The following FAAH2 variants were observed in gnomAD, a reference collection of about 807,000 sequenced individuals.
The protein encoded by FAAH2 is fatty acid amide hydrolase 2.
In FAAH2, 60 loss-of-function variants were observed where a neutral mutation model predicts 36.9. The ratio of observed to expected loss-of-function variants is 1.63; its 90% confidence interval spans 1.32 to 2.02. FAAH2 has a LOEUF of 2.02. Among genes scored for constraint, FAAH2 ranks in the 30% most tolerant of loss-of-function variants. The pLI is 0.00. For synonymous variants in FAAH2, 214 were observed against 143.8 expected (o/e 1.49, Z -3.49); for missense variants, 689 against 397.5 (o/e 1.73, Z -6.23).
the FAAH2 span, among the ~76,000 whole-genome samples, chrX:57,159,768 A>G: frequency 9.8e-5 from 11 of 112,002 alleles, no homozygotes; most frequent in South Asian, 1.9e-3. Context: ...TAGATATACA[A>G]TGATGTGATC....
chrX:57,335,978 A>T (rs2053540710), intron 4 of FAAH2, among the ~76,000 whole-genome samples: 2 of 111,530 alleles, frequency 1.8e-5, no homozygotes, highest in Admixed American at 9.5e-5. Flanking sequence ...TGTTTCAGGG[A>T]GCACAAGGTT....
chrX:57,165,105 G>C, the FAAH2 span, among the ~76,000 whole-genome samples: 1 of 112,567 alleles, frequency 8.9e-6, no homozygotes, highest in East Asian at 2.8e-4. Context: ...CTCTAAACTA[G>C]TTCAACCATT....
chrX:57,313,241 T>C (rs1301462125), intron 3 of FAAH2, among the ~76,000 whole-genome samples: 1 of 109,828 alleles, frequency 9.1e-6, no homozygotes, highest in Non-Finnish European at 1.9e-5. Context: ...AAATGTGGAA[T>C]GATATAAGAA....
chrX:57,163,392 G>T, the FAAH2 span, among the ~76,000 whole-genome samples: 2 of 112,054 alleles, frequency 1.8e-5, no homozygotes, highest in Non-Finnish European at 3.8e-5. Context: ...GCTCCACCCA[G>T]TTCGAGCTTC....
At chrX:57,460,879 C>G (rs985837875) in intron 10 of FAAH2, among the ~76,000 whole-genome samples, 1 of 111,193 alleles carries the variant, frequency 9.0e-6, no homozygotes, top group Non-Finnish European at 1.9e-5. Context: ...GAGTCGAGAC[C>G]CATCATTGTG....
At chrX:57,303,641 C>A (rs1051342968) in intron 2 of FAAH2, among the ~76,000 whole-genome samples, 4 of 111,730 alleles carry the variant, frequency 3.6e-5, no homozygotes, top group East Asian at 2.8e-4. Flanking sequence ...TATATAACCA[C>A]CTCAGATCAG....
the FAAH2 span, among the ~76,000 whole-genome samples, chrX:57,249,030 G>T: frequency 2.7e-5 from 3 of 110,553 alleles, no homozygotes. Context: ...GATGGCCTAA[G>T]ACATAGAGTG....
At chrX:57,407,909 T>C (rs2055607152) in intron 7 of FAAH2, among the ~76,000 whole-genome samples, 1 of 112,259 alleles carries the variant, frequency 8.9e-6, no homozygotes, top group South Asian at 3.7e-4. Flanking sequence ...AAGAGATTGT[T>C]CTTTCTTCAC....
chrX:57,287,149 ATGAAGGGAGACTTC>A, intron 1 of FAAH2, 132 bp downstream of exon 1: 1 of 633,011 alleles, frequency 1.6e-6, no homozygotes, highest in Non-Finnish European at 2.3e-6. Context: ...TTTATTGGGG[ATGAAGGGAGACTTC>A]TGGGTGTTGT....
chrX:57,243,982 A>G, the FAAH2 span, among the ~76,000 whole-genome samples: 1 of 109,334 alleles, frequency 9.1e-6, no homozygotes, highest in African/African-American at 3.3e-5. Flanking sequence ...ACCCAATGCA[A>G]AAAAGCTAAG....
chrX:57,439,776 G>T (rs1305728753), intron 8 of FAAH2, among the ~76,000 whole-genome samples: 3 of 111,654 alleles, frequency 2.7e-5, no homozygotes, highest in Non-Finnish European at 5.6e-5. Context: ...ACTAATTTTT[G>T]CATAAGGTGT....
chrX:57,336,578 A>G (rs1259183586), intron 4 of FAAH2, among the ~76,000 whole-genome samples: 1 of 112,050 alleles, frequency 8.9e-6, no homozygotes, highest in African/African-American at 3.2e-5. Context: ...AGATTAAGAA[A>G]GTCATCCCAC....
At chrX:57,238,540 A>G in the FAAH2 span, among the ~76,000 whole-genome samples, 2 of 111,505 alleles carry the variant, frequency 1.8e-5, no homozygotes, top group Non-Finnish European at 3.8e-5. Context: ...TAGACTTAAC[A>G]TGTGGGTGAT....
chrX:57,136,959 C>A, the FAAH2 span: 1 of 874,426 alleles, frequency 1.1e-6, no homozygotes, highest in Non-Finnish European at 1.5e-6. Flanking sequence ...TACCCTCCTG[C>A]CCTGAGTGCC....
At chrX:57,399,002 G>A (rs1437413414) in intron 7 of FAAH2, among the ~76,000 whole-genome samples, 1 of 111,281 alleles carries the variant, frequency 9.0e-6, no homozygotes, top group East Asian at 2.8e-4. Flanking sequence ...GATTTTCTTT[G>A]GAGGGGTGCC....
At chrX:57,244,739 T>C in the FAAH2 span, among the ~76,000 whole-genome samples, 52 of 111,178 alleles carry the variant, frequency 4.7e-4, 1 homozygote, top group African/African-American at 1.7e-3. Flanking sequence ...GCCCTAAACA[T>C]GAAAAGGAAC....
At chrX:57,452,818 T>C (rs1431192448) in intron 10 of FAAH2, among the ~76,000 whole-genome samples, 2 of 111,932 alleles carry the variant, frequency 1.8e-5, no homozygotes, top group East Asian at 5.6e-4. Flanking sequence ...TCAGGAGCAT[T>C]TATTCAAGAA....
chrX:57,341,320 C>T lies in FAAH2; in HGVS notation c.672C>T (p.Gly224=), dbSNP rs1285758030. ...CTGCCTGCTCAGTTATTGGTGTGGG[C>T]TCTGATATTGGTGGTAGCATTCGAA... ...LAAACSVIGV[G]SDIGGSIRMP... Residue 224 remains glycine, a synonymous_variant, in exon 5 of 11, where the codon GGC becomes GGT. Transcript: ENST00000374900. 2 of 1,208,124 alleles carry T rather than the reference C, an allele frequency of 1.7e-6. No individual in the cohort carries two copies. Among genetic ancestry groups the T allele is most frequent in the Non-Finnish European group, 2.2e-6 (2 of 894,084 alleles).
chrX:57,195,663 A>G, the FAAH2 span, among the ~76,000 whole-genome samples: 1 of 112,292 alleles, frequency 8.9e-6, no homozygotes, highest in East Asian at 2.8e-4. Context: ...ATTCTTGATC[A>G]TAAAGTCTTT....
Sources: gnomAD v4.1 joint callset for allele counts (sites outside exome capture counted in the v4.1 genomes callset) on GRCh38, gnomAD v4.1.1 for gene constraint, MANE v1.5 for transcripts, NCBI Gene and HGNC (gene_info 2026-07-23, HGNC 2026-07-21) for gene names.